ITGA6: variants seen among roughly 807,000 people sequenced by gnomAD.
ITGA6 encodes the protein integrin subunit alpha 6.
A neutral mutation model predicts 133.6 loss-of-function variants in ITGA6; 63 were observed. The ratio of observed to expected loss-of-function variants is 0.47; its 90% confidence interval spans 0.38 to 0.58. The LOEUF (loss-of-function observed/expected upper bound fraction) is 0.58, where lower values mean the gene tolerates loss of function less well. ITGA6 is among the 20% of genes least tolerant of loss of function. The pLI is 0.00. For missense variants in ITGA6, 1,068 were observed against 1,309.4 expected, an observed-to-expected ratio of 0.82 and a Z score of 2.85; for synonymous variants, 434 against 482.0, an observed-to-expected ratio of 0.90 and a Z score of 1.30.
chr2:172,433,477 G>T (rs1684191051), intron 1 of ITGA6, among the ~76,000 whole-genome samples: 1 of 152,182 alleles, frequency 6.6e-6, no homozygotes, highest in South Asian at 2.1e-4. Flanking sequence ...ATGATTTTGT[G>T]CAGGATTCCT....
chr2:172,485,236 C>T lies in ITGA6; in HGVS notation c.1826C>T (p.Ser609Leu), dbSNP rs553899697. ...CCAGAAGTTCTTCCAATTCTGAATT[C>T]AGATGAACCCAAGACAGCTCATATT... Reference protein sequence around the residue: ...SLPEVLPILNSDEPKTAHIDV... With the variant: ...SLPEVLPILNLDEPKTAHIDV... Residue 609 changes from serine (S) to leucine (L), a missense_variant, in exon 13 of 26, where the codon TCA becomes TTA. Ser to Leu is a moderately radical substitution (Grantham distance 145). Transcript: ENST00000684293. The T allele has an allele frequency of 3.3e-5, 54 of 1,614,122 alleles. No individual in the cohort carries two copies. The South Asian group carries it at 5.4e-4, about 16-fold the overall frequency.
chr2:172,448,701 A>G (rs901418260), intron 1 of ITGA6, among the ~76,000 whole-genome samples: 11 of 152,170 alleles, frequency 7.2e-5, no homozygotes, highest in African/African-American at 2.7e-4. Context: ...CTTTTAACCA[A>G]CTTTCTGTGT....
chr2:172,434,817 GAGAGAA>G (rs1684250496), intron 1 of ITGA6, among the ~76,000 whole-genome samples: 1 of 152,028 alleles, frequency 6.6e-6, no homozygotes, highest in South Asian at 2.1e-4. Context: ...AAAAGCCTTT[GAGAGAA>G]ACATGCTTTC....
intron 1 of ITGA6, among the ~76,000 whole-genome samples, chr2:172,463,223 A>T (rs1685506474): frequency 6.6e-6 from 1 of 152,182 alleles, no homozygotes; most frequent in South Asian, 2.1e-4. Flanking sequence ...ACAGGAAATA[A>T]GCCCTGTGCC....
Position 172,487,551 on chromosome 2 carries a change from AAC to A in ITGA6, c.2167_2168del (p.Gln723ValfsTer13). 6.2e-7 allele frequency: 1 copy of A among 1,614,152 alleles called. No individual in the cohort carries two copies. Among genetic ancestry groups the A allele is most frequent in the Non-Finnish European group, 8.5e-7 (1 of 1,179,974 alleles). Reference sequence around the variant, plus strand: ...TAGCGTGTGTTTCTTTTACAGGAGAAACAGTTGAGTTGTGTTGCCAACCAGAA... The same window carrying A: ...TAGCGTGTGTTTCTTTTACAGGAGAAAGTTGAGTTGTGTTGCCAACCAGAA... On this transcript the variant is annotated frameshift_variant, in exon 16 of 26. Transcript: ENST00000684293. LOFTEE classifies it high-confidence loss of function.
intron 11 of ITGA6, among the ~76,000 whole-genome samples, chr2:172,483,611 G>A (rs918196576): frequency 1.8e-4 from 28 of 151,964 alleles, no homozygotes; most frequent in African/African-American, 6.3e-4. Flanking sequence ...CAAAGAATGC[G>A]TTCTGAAGTA....
chr2:172,450,870 A>AATATATTTATATATTTATATACAAAT (rs1684960752), intron 1 of ITGA6, among the ~76,000 whole-genome samples: 1 of 147,094 alleles, frequency 6.8e-6, no homozygotes, highest in Non-Finnish European at 1.5e-5. Flanking sequence ...ATAATATACA[A>AATATATTTATATATTTATATACAAAT]ATATATTTAT....
intron 11 of ITGA6, among the ~76,000 whole-genome samples, chr2:172,484,080 G>C (rs1686561411): frequency 6.6e-6 from 1 of 152,196 alleles, no homozygotes; most frequent in African/African-American, 2.4e-5. Flanking sequence ...CAGAGTGCTG[G>C]GATGCCAGGC....
intron 1 of ITGA6, among the ~76,000 whole-genome samples, chr2:172,435,628 T>C (rs1322374814): frequency 7.2e-6 from 1 of 138,530 alleles, no homozygotes; most frequent in Non-Finnish European, 1.5e-5. Flanking sequence ...TTTTTTTTTT[T>C]TTTTTTTTTT....
intron 4 of ITGA6, among the ~76,000 whole-genome samples, chr2:172,470,034 C>T (rs529855583): frequency 3.9e-5 from 6 of 152,190 alleles, no homozygotes; most frequent in South Asian, 2.1e-4. Context: ...TAAAAGACAA[C>T]CTAACTCTCA....
At chr2:172,447,787 C>T (rs185346915) in intron 1 of ITGA6, among the ~76,000 whole-genome samples, 11 of 152,248 alleles carry the variant, frequency 7.2e-5, no homozygotes, top group African/African-American at 1.9e-4. Context: ...CTGATCTGAC[C>T]GCTCTTATTA....
At chr2:172,475,988 TAGC>T (rs1216449177) in intron 8 of ITGA6, among the ~76,000 whole-genome samples, 1 of 152,224 alleles carries the variant, frequency 6.6e-6, no homozygotes, top group Non-Finnish European at 1.5e-5. Flanking sequence ...TTCTCTTTAG[TAGC>T]ATACTAAATA....
At chr2:172,457,510 A>G (rs944265824) in intron 1 of ITGA6, among the ~76,000 whole-genome samples, 1 of 152,284 alleles carries the variant, frequency 6.6e-6, no homozygotes, top group African/African-American at 2.4e-5. Context: ...AATACAAATA[A>G]AATTATTTTT....
intron 23 of ITGA6, among the ~76,000 whole-genome samples, chr2:172,496,028 G>T (rs971765399): frequency 1.3e-5 from 2 of 152,164 alleles, no homozygotes; most frequent in Non-Finnish European, 2.9e-5. Context: ...AGGATACACT[G>T]TACACCTTCC....
At chr2:172,430,461 T>C (rs983387357) in intron 1 of ITGA6, among the ~76,000 whole-genome samples, 1 of 152,196 alleles carries the variant, frequency 6.6e-6, no homozygotes, top group South Asian at 2.1e-4. Flanking sequence ...ATTAGACTTA[T>C]AACAAAAGTG....
At chr2:172,455,497 AAT>A (rs1685173739) in intron 1 of ITGA6, among the ~76,000 whole-genome samples, 1 of 152,204 alleles carries the variant, frequency 6.6e-6, no homozygotes, top group East Asian at 1.9e-4. Flanking sequence ...CAAGAGTGTG[AAT>A]TTCACATCCA....
In ITGA6 at chr2:172,479,752, C is replaced by T. The variant is rs372520270; in HGVS notation, c.1487+13C>T. 16 of 1,608,264 alleles carry T rather than the reference C, an allele frequency of 9.9e-6. No homozygotes were observed. Among genetic ancestry groups the T allele is most frequent in the Non-Finnish European group, 1.3e-5 (15 of 1,174,912 alleles). On this transcript the variant is annotated intron_variant, in intron 10 of 25. Coordinates refer to ENST00000684293, the MANE Select transcript of ITGA6 (RefSeq NM_000210.4). ...CTAGTGGGATATGGTGAGCATCCCT[C>T]TGTCTTGGTGGGATCCCCCTCAGTT...
chr2:172,473,909 C>T, intron 5 of ITGA6, 146 bp from the exon 6 acceptor site: 1 of 620,236 alleles, frequency 1.6e-6, no homozygotes, highest in Admixed American at 2.7e-5. Context: ...CTCTGTCACT[C>T]ATATTACGAA....
At chr2:172,502,061 T>C (rs1256455903) in intron 25 of ITGA6, among the ~76,000 whole-genome samples, 160 bp downstream of exon 25, 1 of 152,206 alleles carries the variant, frequency 6.6e-6, no homozygotes, top group Non-Finnish European at 1.5e-5. Flanking sequence ...TTATTTCACT[T>C]GAAAGCTCAG....
Sources: gnomAD v4.1 joint callset for allele counts (sites outside exome capture counted in the v4.1 genomes callset) on GRCh38, gnomAD v4.1.1 for gene constraint, MANE v1.5 for transcripts, NCBI Gene and HGNC (gene_info 2026-07-23, HGNC 2026-07-21) for gene names.